LRMDA: variants seen among roughly 807,000 people sequenced by gnomAD.
The protein encoded by LRMDA is leucine rich melanocyte differentiation associated.
In LRMDA, 18 loss-of-function variants were observed where a neutral mutation model predicts 29.8. That is an observed-to-expected ratio of 0.60 (90% CI 0.42 to 0.90). The LOEUF (loss-of-function observed/expected upper bound fraction) is 0.90. LRMDA is among the 40% of genes least tolerant of loss of function. The probability of loss-of-function intolerance (pLI) is 0.00; values close to 1 mark genes in which losing one functional copy is unlikely to be tolerated. For synonymous variants in LRMDA, 125 were observed against 109.4 expected (o/e 1.14, Z -0.89); for missense variants, 273 against 273.9 (o/e 1.00, Z 0.02).
rs1205693108 is a variant in LRMDA at position 75,552,271 on chromosome 10, A to AT, written c.131+113783dup. On this transcript the variant is annotated intron_variant, in intron 2 of 6. Coordinates refer to ENST00000611255, the MANE Select transcript of LRMDA (RefSeq NM_001305581.2). ...CTGAAAAATTCTTTATCTTACCTTC[A>AT]TTTTTTAGCAGATACTTTCACTTGT... is the stretch of plus-strand genomic sequence containing the variant. Among the ~76,000 whole-genome samples the AT allele has an allele frequency of 2.0e-5, 3 of 152,042 alleles. No homozygotes were observed. The East Asian group carries it at 5.8e-4, about 29-fold the overall frequency.
chr10:75,811,715 G>T (rs1176545870), intron 2 of LRMDA, among the ~76,000 whole-genome samples: 1 of 152,218 alleles, frequency 6.6e-6, no homozygotes, highest in African/African-American at 2.4e-5. Flanking sequence ...TGGTGGAGAT[G>T]GAGCTCATGC....
intron 2 of LRMDA, among the ~76,000 whole-genome samples, chr10:75,945,851 A>T (rs1193324236): frequency 1.3e-5 from 2 of 152,174 alleles, no homozygotes; most frequent in African/African-American, 4.8e-5. Flanking sequence ...GATCTAGTTC[A>T]GCTTGCCATT....
At chr10:76,115,387 C>T (rs1849651701) in intron 5 of LRMDA, among the ~76,000 whole-genome samples, 1 of 152,154 alleles carries the variant, frequency 6.6e-6, no homozygotes, top group South Asian at 2.1e-4. Context: ...TTGGCGAGGC[C>T]AAGAGAGGAG....
intron 2 of LRMDA, among the ~76,000 whole-genome samples, chr10:75,660,071 C>A (rs74884027): frequency 6.6e-6 from 1 of 151,010 alleles, no homozygotes; most frequent in Admixed American, 6.6e-5. Context: ...GTCTTTCTCC[C>A]TCTCTCTCTC....
At chr10:76,553,846 C>T (rs1217026013) in intron 6 of LRMDA, among the ~76,000 whole-genome samples, 2 of 152,054 alleles carry the variant, frequency 1.3e-5, no homozygotes, top group African/African-American at 4.8e-5. Context: ...ACCTTTCTCC[C>T]CGGGCGAGCA....
chr10:75,959,519 A>ACG (rs1589267391), intron 2 of LRMDA, among the ~76,000 whole-genome samples: 1 of 122,872 alleles, frequency 8.1e-6, no homozygotes, highest in Admixed American at 7.6e-5. Context: ...ACGTGCATGC[A>ACG]CACACACACA....
At chr10:75,534,660 G>A (rs902658109) in intron 2 of LRMDA, among the ~76,000 whole-genome samples, 1 of 152,154 alleles carries the variant, frequency 6.6e-6, no homozygotes, top group Non-Finnish European at 1.5e-5. Flanking sequence ...TCTGAATTAC[G>A]ATGTTTTTGT....
intron 5 of LRMDA, among the ~76,000 whole-genome samples, chr10:76,078,022 TTTTTTTG>T (rs1848988249): frequency 3.9e-5 from 4 of 103,036 alleles, no homozygotes; most frequent in Non-Finnish European, 6.3e-5. Context: ...TTTTTTTTTT[TTTTTTTG>T]AGATGGAGTC....
At chr10:76,011,146 T>C (rs1467504087) in intron 2 of LRMDA, among the ~76,000 whole-genome samples, 3 of 151,378 alleles carry the variant, frequency 2.0e-5, no homozygotes, top group African/African-American at 7.3e-5. Context: ...GGGTAGAGAG[T>C]GGATATATTT....
chr10:76,163,719 G>A (rs897539836), intron 5 of LRMDA, among the ~76,000 whole-genome samples: 1 of 152,084 alleles, frequency 6.6e-6, no homozygotes, highest in Admixed American at 6.6e-5. Context: ...GTGAACTATG[G>A]TAGAGTCAAA....
At chr10:75,564,256 C>T (rs1840340786) in intron 2 of LRMDA, among the ~76,000 whole-genome samples, 1 of 152,194 alleles carries the variant, frequency 6.6e-6, no homozygotes, top group Non-Finnish European at 1.5e-5. Flanking sequence ...CCTCCCCCAG[C>T]CTCGCTGACG....
chr10:75,604,293 A>G (rs1001115769), intron 2 of LRMDA, among the ~76,000 whole-genome samples: 66 of 152,226 alleles, frequency 4.3e-4, no homozygotes, highest in African/African-American at 1.5e-3. Flanking sequence ...TATCTGTTAC[A>G]GTAGAAATGC....
At chr10:75,521,348 C>T (rs992887007) in intron 2 of LRMDA, among the ~76,000 whole-genome samples, 2 of 152,260 alleles carry the variant, frequency 1.3e-5, no homozygotes, top group Admixed American at 6.5e-5. Flanking sequence ...CCTTGCTGAG[C>T]TGCAGTGGGC....
At chr10:75,725,531 G>A (rs550891533) in intron 2 of LRMDA, among the ~76,000 whole-genome samples, 2 of 152,256 alleles carry the variant, frequency 1.3e-5, no homozygotes, top group East Asian at 1.9e-4. Context: ...TTTGAGTAGC[G>A]TTGTGTAAAT....
At chr10:76,068,738 T>G (rs549928962) in intron 5 of LRMDA, among the ~76,000 whole-genome samples, 16 of 152,288 alleles carry the variant, frequency 1.1e-4, no homozygotes, top group African/African-American at 3.6e-4. Context: ...GAGTTAAAAG[T>G]CTTCACAACA....
At position 76,335,277 on chromosome 10, in the gene LRMDA, A is replaced by C. The variant is rs117906822; in HGVS notation, c.601+10792A>C. On this transcript the variant is annotated intron_variant, in intron 6 of 6. Transcript: ENST00000611255. ...AAACATTAAGATGATCTGGCTTTGC[A>C]GAGTGTAGTGCTCTCATATGTCTCC... 5.6e-4 allele frequency among the ~76,000 whole-genome samples: 85 copies of C among 152,368 alleles called. No homozygotes were observed. The East Asian group carries it at 0.013, about 23-fold the overall frequency.
intron 2 of LRMDA, among the ~76,000 whole-genome samples, chr10:75,487,109 A>G (rs1230951743): frequency 6.6e-6 from 1 of 152,220 alleles, no homozygotes; most frequent in Non-Finnish European, 1.5e-5. Context: ...GATAAATCAA[A>G]TGATGTGTGG....
chr10:75,793,553 A>AT (rs1324543592), intron 2 of LRMDA, among the ~76,000 whole-genome samples: 1 of 152,246 alleles, frequency 6.6e-6, no homozygotes, highest in Non-Finnish European at 1.5e-5. Context: ...TTTCAGGCAC[A>AT]TGTATAAACA....
At chr10:75,773,489 C>T (rs1470256952) in intron 2 of LRMDA, among the ~76,000 whole-genome samples, 1 of 152,030 alleles carries the variant, frequency 6.6e-6, no homozygotes, top group Non-Finnish European at 1.5e-5. Context: ...ACTGGGAGCC[C>T]CAGAACTCCG....
Sources: allele counts gnomAD v4.1 joint callset (sites outside exome capture counted in the v4.1 genomes callset), GRCh38; gene constraint gnomAD v4.1.1; transcripts MANE v1.5; gene names NCBI Gene and HGNC (gene_info 2026-07-23, HGNC 2026-07-21).